Variants in TYR observed in about 807,000 individuals in gnomAD.
TYR encodes the protein LB24-AB.
TYR carries 58 observed loss-of-function variants against 51.5 expected under a neutral mutation model. The observed-to-expected ratio is 1.13, with a 90% confidence interval of 0.91 to 1.40. TYR has a LOEUF of 1.40. Among genes scored for constraint, TYR ranks in the 40% most tolerant of loss-of-function variants. TYR has a pLI of 0.00. For synonymous variants in TYR, 263 were observed against 235.2 expected, an observed-to-expected ratio of 1.12 and a Z score of -1.08; for missense variants, 732 against 647.4, an observed-to-expected ratio of 1.13 and a Z score of -1.42.
rs79916592 is a variant in TYR at position 89,238,636 on chromosome 11, G to A, written c.1184+10666G>A. Among the ~76,000 whole-genome samples the A allele has an allele frequency of 5.4e-3, 819 of 152,192 alleles. 4 individuals are homozygous for A. Among genetic ancestry groups the A allele is most frequent in the Non-Finnish European group, 8.6e-3 (584 of 67,988 alleles). The stretch of plus-strand genomic sequence containing the variant: ...CTTACAGTATTTGTTGATTAGTCAT[G>A]GTGAGAGTGGGTATCCTTGTCTTCT... On this transcript the variant is annotated intron_variant, in intron 3 of 4. Transcript: ENST00000263321.
At chr11:89,190,885 G>A (rs968234368) in intron 1 of TYR, among the ~76,000 whole-genome samples, 2 of 152,066 alleles carry the variant, frequency 1.3e-5, no homozygotes, top group African/African-American at 4.8e-5. Flanking sequence ...TCTTACAATT[G>A]CCTATAGTAT....
intron 1 of TYR, among the ~76,000 whole-genome samples, chr11:89,179,995 T>C (rs567401684): frequency 2.0e-5 from 3 of 152,298 alleles, no homozygotes; most frequent in African/African-American, 7.2e-5. Flanking sequence ...ATCTGCAGTT[T>C]TGAAATGTAG....
At chr11:89,287,045 T>A (rs992070509) in intron 4 of TYR, among the ~76,000 whole-genome samples, 8 of 151,862 alleles carry the variant, frequency 5.3e-5, no homozygotes, top group African/African-American at 1.9e-4. Flanking sequence ...CTCTCAGATA[T>A]AAAAATCATT....
intron 3 of TYR, among the ~76,000 whole-genome samples, chr11:89,233,430 T>G (rs1387978892): frequency 7.2e-6 from 1 of 139,208 alleles, no homozygotes; most frequent in Non-Finnish European, 1.5e-5. Flanking sequence ...ACGTTAATAT[T>G]TTGTTCTCCT....
intron 3 of TYR, among the ~76,000 whole-genome samples, chr11:89,247,368 C>A (rs752082216): frequency 5.3e-5 from 8 of 152,178 alleles, no homozygotes; most frequent in Non-Finnish European, 1.2e-4. Context: ...CAGGCATCGA[C>A]TGGGTTATCA....
At chr11:89,295,027 T>C in intron 4 of TYR, 116 bp from the exon 5 acceptor site, 1 of 1,509,878 alleles carries the variant, frequency 6.6e-7, no homozygotes, top group Non-Finnish European at 9.0e-7. Flanking sequence ...TAATAAGTAG[T>C]AGAGCTGGCC....
intron 2 of TYR, among the ~76,000 whole-genome samples, chr11:89,213,420 G>A (rs971130911): frequency 2.0e-5 from 3 of 152,100 alleles, no homozygotes; most frequent in African/African-American, 7.2e-5. Flanking sequence ...ACAAACCATG[G>A]TTCAAGGAAA....
Position 89,223,615 on chromosome 11 carries a change from G to A in TYR, c.1037-4208G>A, listed in dbSNP as rs373518977. 7.2e-5 allele frequency among the ~76,000 whole-genome samples: 11 copies of A among 152,184 alleles called. No individual in the cohort carries two copies. In the East Asian group the frequency reaches 7.7e-4, roughly 11 times the overall value. On this transcript the variant is annotated intron_variant, in intron 2 of 4. Transcript: ENST00000263321. The stretch of plus-strand genomic sequence containing the variant: ...CTGTAGGATATATAAGTGAAAGATT[G>A]AGAGTATTTTATATTTGTTTATCTT...
intron 3 of TYR, among the ~76,000 whole-genome samples, chr11:89,243,237 T>C (rs1944223222): frequency 6.6e-6 from 1 of 152,222 alleles, no homozygotes; most frequent in Non-Finnish European, 1.5e-5. Flanking sequence ...GAAGATTCCG[T>C]TTTATTGTTT....
chr11:89,192,107 C>T (rs561479724), intron 2 of TYR: 3 of 360,578 alleles, frequency 8.3e-6, no homozygotes, highest in African/African-American at 4.4e-5. Flanking sequence ...CTTAAGTTTT[C>T]TGTTCTTCAT....
intron 3 of TYR, among the ~76,000 whole-genome samples, chr11:89,235,816 G>A (rs569562966): frequency 2.6e-5 from 4 of 152,184 alleles, no homozygotes; most frequent in Admixed American, 1.3e-4. Context: ...TTTTAAGATT[G>A]CTGAGAGTAG....
intron 3 of TYR, among the ~76,000 whole-genome samples, chr11:89,243,857 A>G (rs1417420221): frequency 1.3e-5 from 2 of 152,104 alleles, no homozygotes; most frequent in Non-Finnish European, 2.9e-5. Context: ...GTTTTAAAAT[A>G]TTTATTATTT....
intron 3 of TYR, among the ~76,000 whole-genome samples, chr11:89,241,479 T>C (rs1359756917): frequency 6.6e-6 from 1 of 152,066 alleles, no homozygotes; most frequent in Non-Finnish European, 1.5e-5. Context: ...CTGATAAATA[T>C]TTAAGCCCTT....
At chr11:89,194,523 TATC>T (rs1269605676) in intron 2 of TYR, among the ~76,000 whole-genome samples, 2 of 152,202 alleles carry the variant, frequency 1.3e-5, no homozygotes, top group African/African-American at 4.8e-5. Flanking sequence ...CCTCACCTCT[TATC>T]ACAATTTCTT....
At chr11:89,196,465 G>A (rs1217132692) in intron 2 of TYR, among the ~76,000 whole-genome samples, 1 of 152,122 alleles carries the variant, frequency 6.6e-6, no homozygotes, top group African/African-American at 2.4e-5. Context: ...GCGTTTAATG[G>A]TGTGTTTCCA....
At chr11:89,256,496 T>G (rs538922520) in intron 3 of TYR, among the ~76,000 whole-genome samples, 1 of 151,958 alleles carries the variant, frequency 6.6e-6, no homozygotes, top group Non-Finnish European at 1.5e-5. Context: ...TATATGTGTG[T>G]GTTCATGTTT....
chr11:89,284,040 T>C (rs1944751438), intron 3 of TYR: 1 of 151,882 alleles, frequency 6.6e-6, no homozygotes, highest in Non-Finnish European at 1.5e-5. Context: ...ATTTCTTTGC[T>C]GGTACATCTG....
intron 3 of TYR, among the ~76,000 whole-genome samples, chr11:89,232,837 C>T (rs1041136927): frequency 7.0e-6 from 1 of 143,662 alleles, no homozygotes; most frequent in Non-Finnish European, 1.5e-5. Context: ...CTAGAAAATG[C>T]TAACAATCGT....
intron 3 of TYR, among the ~76,000 whole-genome samples, chr11:89,269,199 A>C (rs1055899219): frequency 3.7e-4 from 57 of 152,024 alleles, no homozygotes; most frequent in African/African-American, 1.3e-3. Context: ...TGTTATCACC[A>C]CTTCACAGGT....
Sources: allele counts gnomAD v4.1 joint callset (sites outside exome capture counted in the v4.1 genomes callset), GRCh38; gene constraint gnomAD v4.1.1; transcripts MANE v1.5; gene names NCBI Gene and HGNC (gene_info 2026-07-23, HGNC 2026-07-21).